AKT3: variants seen among roughly 807,000 people sequenced by gnomAD.
AKT3 encodes the protein AKT serine/threonine kinase 3.
Under a neutral mutation model 65.3 loss-of-function variants are expected in AKT3, and 15 were observed. The observed-to-expected ratio is 0.23, with a 90% confidence interval of 0.15 to 0.35. The LOEUF (loss-of-function observed/expected upper bound fraction) is 0.35, where lower values mean the gene tolerates loss of function less well. Among genes scored for constraint, AKT3 ranks in the 10% least tolerant of loss-of-function variants. The pLI, the probability that AKT3 is intolerant of heterozygous loss-of-function variation, is 1.00. For synonymous variants in AKT3, 206 were observed against 183.8 expected (o/e 1.12, Z -0.98); for missense variants, 243 against 576.5 (o/e 0.42, Z 5.92).
intron 8 of AKT3, among the ~76,000 whole-genome samples, chr1:243,581,154 G>A (rs1675316669): frequency 6.6e-6 from 1 of 152,204 alleles, no homozygotes; most frequent in African/African-American, 2.4e-5. Flanking sequence ...GCCACCCACT[G>A]CATTCTCCCT....
At chr1:243,662,257 G>A (rs1682412772) in intron 4 of AKT3, among the ~76,000 whole-genome samples, 3 of 152,008 alleles carry the variant, frequency 2.0e-5, no homozygotes, top group African/African-American at 4.8e-5. Flanking sequence ...ACATGCACAT[G>A]TATGTTTATT....
chr1:243,664,127 G>T (rs114504450), intron 4 of AKT3, among the ~76,000 whole-genome samples: 1 of 142,640 alleles, frequency 7.0e-6, no homozygotes, highest in Admixed American at 7.0e-5. Flanking sequence ...GGAATTTCAA[G>T]TATGAATACA....
chr1:243,648,576 G>A (rs1395557063), intron 4 of AKT3, among the ~76,000 whole-genome samples: 1 of 152,138 alleles, frequency 6.6e-6, no homozygotes, highest in African/African-American at 2.4e-5. Flanking sequence ...AAATGAGGGT[G>A]ACAGTGGCCT....
At chr1:243,538,243 A>T (rs1672065317) in intron 12 of AKT3, among the ~76,000 whole-genome samples, 1 of 152,204 alleles carries the variant, frequency 6.6e-6, no homozygotes, top group Non-Finnish European at 1.5e-5. Context: ...GACTCAAGGT[A>T]GACTAAGTTA....
intron 2 of AKT3, among the ~76,000 whole-genome samples, chr1:243,837,259 ACC>A (rs1340167699): frequency 6.6e-6 from 1 of 152,218 alleles, no homozygotes; most frequent in Non-Finnish European, 1.5e-5. Context: ...AATACAATTT[ACC>A]AAAAATGACA....
Position 243,744,467 on chromosome 1 carries a change from C to T in AKT3, c.47-48751G>A, listed in dbSNP as rs969207004. ...ACCTTAAAAAATTATTGGCCGGGCG[C>T]GGTGGCTCACGCCTGTAATCCCAGC... On this transcript the variant is annotated intron_variant, in intron 2 of 13. Transcript: ENST00000673466. Among the ~76,000 whole-genome samples the T allele has an allele frequency of 6.6e-5, 10 of 152,160 alleles. No homozygotes were observed. In the South Asian group the frequency reaches 8.3e-4, roughly 13 times the overall value.
At chr1:243,688,108 C>T (rs1358995996) in intron 3 of AKT3, among the ~76,000 whole-genome samples, 5 of 151,764 alleles carry the variant, frequency 3.3e-5, no homozygotes, top group African/African-American at 1.2e-4. Flanking sequence ...AAAATATGTA[C>T]ATCTAATATG....
chr1:243,489,190 AG>A lies in AKT3; in HGVS notation c.*7-741del, dbSNP rs750400677. 11 of 1,601,302 alleles carry A rather than the reference AG, an allele frequency of 6.9e-6. No individual in the cohort carries two copies. The Admixed American group carries it at 1.0e-4, about 15-fold the overall frequency. On this transcript the variant is annotated intron_variant, in intron 13 of 13. Transcript: ENST00000336199. ...TGGGAGTCCTTGGGCGGGCGTCTACAGGTGGATCTTTTATGCACCTCAACAG... is the reference window on the plus strand; with the variant it reads ...TGGGAGTCCTTGGGCGGGCGTCTACAGTGGATCTTTTATGCACCTCAACAG...
chr1:243,748,593 T>G (rs1236282106), intron 2 of AKT3, among the ~76,000 whole-genome samples: 2 of 152,282 alleles, frequency 1.3e-5, no homozygotes, highest in East Asian at 3.9e-4. Flanking sequence ...TAATGTAGAA[T>G]TTCAGAAAAT....
intron 3 of AKT3, among the ~76,000 whole-genome samples, chr1:243,682,833 A>T (rs968117263): frequency 1.3e-5 from 2 of 152,132 alleles, no homozygotes; most frequent in Non-Finnish European, 2.9e-5. Flanking sequence ...AAATCTTACT[A>T]TTTCTCCAAA....
intron 10 of AKT3, among the ~76,000 whole-genome samples, chr1:243,553,393 C>T (rs1558610447): frequency 6.6e-6 from 1 of 152,082 alleles, no homozygotes; most frequent in Non-Finnish European, 1.5e-5. Flanking sequence ...CTAAGTAATA[C>T]AAATTAAACA....
At chr1:243,764,669 G>T (rs1387315104) in intron 2 of AKT3, among the ~76,000 whole-genome samples, 2 of 151,904 alleles carry the variant, frequency 1.3e-5, no homozygotes, top group Non-Finnish European at 2.9e-5. Context: ...ACAAAGAATG[G>T]TAATAAAATA....
chr1:243,662,170 T>C (rs1682403465), intron 4 of AKT3, among the ~76,000 whole-genome samples: 1 of 152,042 alleles, frequency 6.6e-6, no homozygotes, highest in Non-Finnish European at 1.5e-5. Flanking sequence ...GACCTAGAAC[T>C]AGAAATACCA....
chr1:243,818,686 G>A (rs1693676537), intron 2 of AKT3, among the ~76,000 whole-genome samples: 1 of 152,036 alleles, frequency 6.6e-6, no homozygotes, highest in Non-Finnish European at 1.5e-5. Context: ...ATTTTATTCA[G>A]CAATATGTTA....
intron 2 of AKT3, among the ~76,000 whole-genome samples, chr1:243,763,641 G>C (rs1689634952): frequency 6.6e-6 from 1 of 151,982 alleles, no homozygotes; most frequent in Admixed American, 6.6e-5. Flanking sequence ...AAAACGATTA[G>C]AACAATGTCA....
chr1:243,778,189 A>G (rs1359316864), intron 2 of AKT3, among the ~76,000 whole-genome samples: 1 of 152,240 alleles, frequency 6.6e-6, no homozygotes, highest in Non-Finnish European at 1.5e-5. Flanking sequence ...AAGACATCAA[A>G]TAACATACAT....
chr1:243,538,430 C>T (rs923236954), intron 12 of AKT3, among the ~76,000 whole-genome samples: 1 of 150,866 alleles, frequency 6.6e-6, no homozygotes, highest in Non-Finnish European at 1.5e-5. Flanking sequence ...TATATTTAAA[C>T]CCAAGTATGT....
At chr1:243,745,168 C>A (rs1470286060) in intron 2 of AKT3, among the ~76,000 whole-genome samples, 2 of 151,886 alleles carry the variant, frequency 1.3e-5, no homozygotes, top group Non-Finnish European at 2.9e-5. Context: ...GTAAGCCCGT[C>A]CTCTACGGAA....
chr1:243,720,429 T>TAAA (rs66716743), intron 2 of AKT3, among the ~76,000 whole-genome samples: 9 of 96,028 alleles, frequency 9.4e-5, no homozygotes, highest in South Asian at 3.3e-4. Context: ...AAAGACATAG[T>TAAA]AAAAAAAAAA....
Sources: gnomAD v4.1 joint callset for allele counts (sites outside exome capture counted in the v4.1 genomes callset) on GRCh38, gnomAD v4.1.1 for gene constraint, MANE v1.5 for transcripts, NCBI Gene and HGNC (gene_info 2026-07-23, HGNC 2026-07-21) for gene names.